The following C11orf65 variants were observed in gnomAD, a reference collection of about 807,000 sequenced individuals.
C11orf65 encodes chromosome 11 open reading frame 65, also known as protein MFI.
Under a neutral mutation model 35.3 loss-of-function variants are expected in C11orf65, and 38 were observed. That is an observed-to-expected ratio of 1.08 (90% confidence interval 0.83 to 1.41). C11orf65 has a LOEUF of 1.41. C11orf65 is among the 40% of genes most tolerant of loss of function. The pLI, the probability that C11orf65 is intolerant of heterozygous loss-of-function variation, is 0.00. For missense variants in C11orf65, 370 were observed against 367.1 expected (o/e 1.01, Z -0.06); for synonymous variants, 105 against 114.4 (o/e 0.92, Z 0.53).
At chr11:108,458,491 CA>C (rs1052110301) in intron 2 of C11orf65, among the ~76,000 whole-genome samples, 1 of 151,918 alleles carries the variant, frequency 6.6e-6, no homozygotes, top group African/African-American at 2.4e-5. Context: ...AGGATCAGCA[CA>C]AATCATGCAG....
chr11:108,419,227 T>C (rs1202308805), intron 3 of C11orf65, among the ~76,000 whole-genome samples: 1 of 152,184 alleles, frequency 6.6e-6, no homozygotes, highest in Non-Finnish European at 1.5e-5. Context: ...TACCAAATAT[T>C]AGCAAACTAA....
At chr11:108,438,696 A>G (rs1215103219) in intron 2 of C11orf65, among the ~76,000 whole-genome samples, 3 of 152,086 alleles carry the variant, frequency 2.0e-5, no homozygotes, top group Non-Finnish European at 4.4e-5. Flanking sequence ...AAATGAACAA[A>G]AAGATAAACT....
At chr11:108,455,133 C>G (rs138405977) in intron 2 of C11orf65, among the ~76,000 whole-genome samples, 19 of 152,242 alleles carry the variant, frequency 1.2e-4, no homozygotes, top group Non-Finnish European at 2.8e-4. Context: ...GACAAGCCCA[C>G]AGCTAACATC....
At chr11:108,382,299 G>A (rs907559272), downstream of C11orf65, among the ~76,000 whole-genome samples, 3 of 152,134 alleles carry the variant, frequency 2.0e-5, no homozygotes, top group African/African-American at 7.2e-5. Flanking sequence ...TGGAAGAAAG[G>A]GAATGGGAAT....
intron 2 of C11orf65, among the ~76,000 whole-genome samples, chr11:108,370,466 CT>C (rs61293233): frequency 0.014 from 2,043 of 142,898 alleles, 52 homozygotes; most frequent in African/African-American, 0.046. Context: ...ATACTGTTTG[CT>C]TTTTTTTTTT....
intron 2 of C11orf65, among the ~76,000 whole-genome samples, chr11:108,440,959 T>C (rs886324567): frequency 6.6e-6 from 1 of 152,086 alleles, no homozygotes; most frequent in African/African-American, 2.4e-5. Context: ...ACCGGGTTCA[T>C]CTCACTGGGG....
chr11:108,413,697 G>C (rs1565666181), intron 3 of C11orf65, among the ~76,000 whole-genome samples: 1 of 151,928 alleles, frequency 6.6e-6, no homozygotes, highest in Non-Finnish European at 1.5e-5. Context: ...AATTTAAAAG[G>C]AATAGAAATC....
intron 2 of C11orf65, among the ~76,000 whole-genome samples, chr11:108,377,010 T>C (rs2091747750): frequency 6.7e-6 from 1 of 149,928 alleles, no homozygotes; most frequent in Non-Finnish European, 1.5e-5. Flanking sequence ...CAAAAAAGAG[T>C]CCAGGACCAG....
chr11:108,349,857 G>A (rs1270309831), intron 2 of C11orf65, among the ~76,000 whole-genome samples: 2 of 152,136 alleles, frequency 1.3e-5, no homozygotes, highest in Non-Finnish European at 2.9e-5. Context: ...CATAAAGTAC[G>A]TGAGTCTGAT....
At chr11:108,308,897 C>T (rs2083897512) in exon 7 of C11orf65, 4 of 875,474 alleles carry the variant, frequency 4.6e-6, no homozygotes, top group Non-Finnish European at 7.2e-6. Context: ...CTATCAGAAG[C>T]TTTAATGTAG....
intron 3 of C11orf65, among the ~76,000 whole-genome samples, chr11:108,421,131 A>T (rs1022459223): frequency 6.6e-6 from 1 of 151,980 alleles, no homozygotes; most frequent in Non-Finnish European, 1.5e-5. Context: ...CTCTTTTTTG[A>T]TAATCTCTAT....
At chr11:108,327,756 A>C (rs1352526053), downstream of C11orf65, 2 of 1,612,714 alleles carry the variant, frequency 1.2e-6, no homozygotes, top group Non-Finnish European at 1.7e-6. Context: ...CTATCTAGAA[A>C]AGGTAAGATT....
intron 2 of C11orf65, chr11:108,345,948 G>T (rs1225647155): frequency 6.2e-7 from 1 of 1,609,190 alleles, no homozygotes; most frequent in Non-Finnish European, 8.5e-7. Context: ...GCACTTTGTT[G>T]TTTGGCAGGT....
Position 108,320,918 on chromosome 11 carries a change from AG to A in C11orf65, c.641-11848del, listed in dbSNP as rs1167053782. ...AATACCATATTCTTACAATAAAGTA[AG>A]CTAGAGAAAAGAAAATGTTATTGAA... is the stretch of plus-strand genomic sequence containing the variant. On this transcript the variant is annotated intron_variant, in intron 6 of 6. Transcript: ENST00000525729. Among the ~76,000 whole-genome samples the A allele has an allele frequency of 6.6e-5, 10 of 152,368 alleles. No individual in the cohort carries two copies. In the East Asian group the frequency reaches 1.9e-3, roughly 29 times the overall value.
At chr11:108,318,063 T>C (rs1229444096) in intron 6 of C11orf65, among the ~76,000 whole-genome samples, 1 of 152,070 alleles carries the variant, frequency 6.6e-6, no homozygotes, top group African/African-American at 2.4e-5. Flanking sequence ...ATATTTTCTT[T>C]TATTAAAAAA....
intron 1 of C11orf65, among the ~76,000 whole-genome samples, chr11:108,467,079 TGAG>T (rs969585919): frequency 2.0e-5 from 3 of 151,772 alleles, no homozygotes; most frequent in African/African-American, 4.8e-5. Flanking sequence ...AGGAAAGAAA[TGAG>T]GAAAAATCTA....
chr11:108,356,301 C>A (rs373897737), intron 2 of C11orf65, among the ~76,000 whole-genome samples: 1 of 151,890 alleles, frequency 6.6e-6, no homozygotes, highest in Non-Finnish European at 1.5e-5. Flanking sequence ...TTTGAGAGGC[C>A]GAGACAGGTG....
chr11:108,379,084 C>G (rs1181223366), downstream of C11orf65, among the ~76,000 whole-genome samples: 7 of 152,028 alleles, frequency 4.6e-5, no homozygotes, highest in South Asian at 2.1e-4. Context: ...CCTCGGGGAT[C>G]TAGAACTAGA....
At chr11:108,373,837 C>T (rs949516421) in intron 2 of C11orf65, among the ~76,000 whole-genome samples, 5 of 152,244 alleles carry the variant, frequency 3.3e-5, no homozygotes, top group African/African-American at 1.2e-4. Flanking sequence ...CTGCGCTTTT[C>T]CGACGGGCTT....
Sources: gnomAD v4.1 joint callset for allele counts (sites outside exome capture counted in the v4.1 genomes callset) on GRCh38, gnomAD v4.1.1 for gene constraint, MANE v1.5 for transcripts, NCBI Gene and HGNC (gene_info 2026-07-23, HGNC 2026-07-21) for gene names.